The following AOPEP variants were observed in gnomAD, a reference collection of about 807,000 sequenced individuals.
AOPEP encodes aminopeptidase O.
Under a neutral mutation model 98.1 loss-of-function variants are expected in AOPEP, and 77 were observed. The ratio of observed to expected loss-of-function variants is 0.78; its 90% CI spans 0.65 to 0.95. The LOEUF (loss-of-function observed/expected upper bound fraction) is 0.95, where lower values mean the gene tolerates loss of function less well. Among genes scored for constraint, AOPEP ranks in the 40% least tolerant of loss-of-function variants. The pLI is 0.00. For missense variants in AOPEP, 1,024 were observed against 1,024.7 expected, an observed-to-expected ratio of 1.00 and a Z score of 0.01; for synonymous variants, 346 against 365.3, an observed-to-expected ratio of 0.95 and a Z score of 0.60.
At chr9:94,811,756 G>T (rs1850645872) in intron 5 of AOPEP, among the ~76,000 whole-genome samples, 1 of 152,170 alleles carries the variant, frequency 6.6e-6, no homozygotes, top group African/African-American at 2.4e-5. Flanking sequence ...AGCCCCCAGA[G>T]GCGGCATCTC....
At chr9:94,904,401 C>T (rs944547565) in intron 5 of AOPEP, 3 of 152,204 alleles carry the variant, frequency 2.0e-5, no homozygotes, top group Admixed American at 6.5e-5. Flanking sequence ...AAACATTACT[C>T]AGAGCCTCTC....
chr9:95,141,514 C>G, the AOPEP span, among the ~76,000 whole-genome samples: 1 of 151,964 alleles, frequency 6.6e-6, no homozygotes, highest in Non-Finnish European at 1.5e-5. Flanking sequence ...TTTTCCTTAT[C>G]TAAGTTGAAA....
At position 94,980,226 on chromosome 9, in the gene AOPEP, C is replaced by G. The variant is rs952043605; in HGVS notation, c.1977+799C>G. Among the ~76,000 whole-genome samples the G allele has an allele frequency of 6.6e-6, 1 of 152,232 alleles. No individual in the cohort carries two copies. The highest frequency in any genetic ancestry group is 1.5e-5 in the Non-Finnish European group (1 of 68,032). Reference sequence around the variant, plus strand: ...ATGCTGGCCATGGCAAGCCTAGGCCCTGGGAAGTCTGAGGGTGGGATCCCA... The same window carrying G: ...ATGCTGGCCATGGCAAGCCTAGGCCGTGGGAAGTCTGAGGGTGGGATCCCA... On this transcript the variant is annotated intron_variant, in intron 11 of 16. Coordinates refer to ENST00000375315, the MANE Select transcript of AOPEP (RefSeq NM_001193329.3). This position sits in a 1 kb window ranked among gnomAD's most constrained non-coding sequence, Gnocchi z 4.3.
chr9:95,075,650 G>T (rs370614494), intron 14 of AOPEP, among the ~76,000 whole-genome samples: 3 of 152,292 alleles, frequency 2.0e-5, no homozygotes, highest in East Asian at 3.9e-4. Flanking sequence ...GAAGCTTAAG[G>T]TGGGAAGATG....
At chr9:95,022,564 T>C (rs558089939) in intron 13 of AOPEP, among the ~76,000 whole-genome samples, 20 of 152,148 alleles carry the variant, frequency 1.3e-4, no homozygotes, top group East Asian at 3.9e-4. Flanking sequence ...TGGCCTCGAT[T>C]TCCTGACCTC....
the AOPEP span, chr9:95,110,465 G>C: frequency 1.9e-6 from 2 of 1,029,252 alleles, no homozygotes; most frequent in African/African-American, 3.4e-5. Context: ...GAAATAAAAA[G>C]CTTTCTTTTT....
At chr9:94,792,546 G>A (rs1191240306) in intron 3 of AOPEP, among the ~76,000 whole-genome samples, 1 of 152,086 alleles carries the variant, frequency 6.6e-6, no homozygotes, top group Non-Finnish European at 1.5e-5. Context: ...CTGATCCGTG[G>A]AAGAGACCCA....
intron 3 of AOPEP, among the ~76,000 whole-genome samples, chr9:94,791,092 A>G (rs1845608438): frequency 6.6e-6 from 1 of 152,156 alleles, no homozygotes. Flanking sequence ...ATCAACTTAA[A>G]TGCCCATCGA....
intron 5 of AOPEP, among the ~76,000 whole-genome samples, chr9:94,874,013 T>C (rs1467660829): frequency 6.6e-6 from 1 of 152,188 alleles, no homozygotes; most frequent in Admixed American, 6.5e-5. Context: ...GGAAGAATGA[T>C]AGGAAACATG....
At chr9:95,005,093 G>T in intron 11 of AOPEP, 65 bp from the exon 12 acceptor site, 1 of 841,172 alleles carries the variant, frequency 1.2e-6, no homozygotes, top group Non-Finnish European at 1.5e-6. Context: ...CGAGTTAGCG[G>T]GCGCGGGGCA....
the AOPEP span, chr9:95,114,587 C>T: frequency 6.5e-7 from 1 of 1,546,786 alleles, no homozygotes; most frequent in South Asian, 1.1e-5. Context: ...TCTAGGGAAA[C>T]CATGTGTGAA....
chr9:94,767,750 A>C (rs1839943031), intron 2 of AOPEP, among the ~76,000 whole-genome samples: 1 of 152,222 alleles, frequency 6.6e-6, no homozygotes, highest in Non-Finnish European at 1.5e-5. Context: ...TCTGACTCAA[A>C]GCCATTTGCA....
rs148504099 is a variant in AOPEP, at chr9:95,006,838, C to T, written c.2115+1222C>T. 4.6e-5 allele frequency among the ~76,000 whole-genome samples: 7 copies of T among 151,720 alleles called. No individual in the cohort carries two copies. In the East Asian group the frequency reaches 1.4e-3, roughly 29 times the overall value. ...AGGTGATGAATGAGATCATAAAATA[C>T]CCAAAGAAGGAAAAGAATTATGGCT... is the stretch of plus-strand genomic sequence containing the variant. On this transcript the variant is annotated intron_variant, in intron 13 of 16. Coordinates refer to ENST00000375315, the MANE Select transcript of AOPEP (RefSeq NM_001193329.3).
intron 2 of AOPEP, among the ~76,000 whole-genome samples, chr9:94,771,924 A>C (rs902369425): frequency 2.0e-5 from 3 of 152,050 alleles, no homozygotes; most frequent in Non-Finnish European, 2.9e-5. Flanking sequence ...CCCGAGTTTA[A>C]ATTACCTGTT....
chr9:94,819,605 C>T (rs1324647490), intron 5 of AOPEP, among the ~76,000 whole-genome samples: 2 of 152,202 alleles, frequency 1.3e-5, no homozygotes, highest in Non-Finnish European at 2.9e-5. Context: ...GATAGGATCT[C>T]ACTCTGTCAC....
chr9:94,861,871 C>T (rs1588595057), intron 5 of AOPEP, among the ~76,000 whole-genome samples: 1 of 152,284 alleles, frequency 6.6e-6, no homozygotes, highest in African/African-American at 2.4e-5. Flanking sequence ...GCACGTTCTG[C>T]GAGTGAAGGC....
chr9:94,921,009 AT>A (rs1409232687), intron 5 of AOPEP, among the ~76,000 whole-genome samples: 1 of 150,450 alleles, frequency 6.6e-6, no homozygotes, highest in African/African-American at 2.4e-5. Flanking sequence ...GTTTTTTGAG[AT>A]TTGAAATATC....
At chr9:95,009,604 GT>G (rs1345087871) in intron 13 of AOPEP, among the ~76,000 whole-genome samples, 1 of 152,156 alleles carries the variant, frequency 6.6e-6, no homozygotes, top group Non-Finnish European at 1.5e-5. Flanking sequence ...TGGCTATTAC[GT>G]GTATTAGCGT....
At chr9:95,109,814 A>G in the AOPEP span, 1 of 152,228 alleles carries the variant, frequency 6.6e-6, no homozygotes, top group Non-Finnish European at 1.5e-5. Context: ...TCACATACGA[A>G]TCATGCTTTC....
Sources: allele counts gnomAD v4.1 joint callset (sites outside exome capture counted in the v4.1 genomes callset), GRCh38; gene constraint gnomAD v4.1.1; non-coding constraint Gnocchi (gnomAD v3.1); transcripts MANE v1.5; gene names NCBI Gene and HGNC (gene_info 2026-07-23, HGNC 2026-07-21).